The following CELF2 variants were observed in gnomAD, a reference collection of about 807,000 sequenced individuals.
The protein encoded by CELF2 is CUGBP Elav-like family member 2.
A neutral mutation model predicts 62.6 loss-of-function variants in CELF2; 8 were observed. The observed-to-expected ratio is 0.13, with a 90% CI of 0.07 to 0.23. The LOEUF is 0.23. Among genes scored for constraint, CELF2 ranks in the 10% least tolerant of loss-of-function variants. CELF2 has a pLI of 1.00. For missense variants in CELF2, 333 were observed against 671.0 expected, an observed-to-expected ratio of 0.50 and a Z score of 5.56; for synonymous variants, 258 against 250.0, an observed-to-expected ratio of 1.03 and a Z score of -0.30.
intron 1 of CELF2, among the ~76,000 whole-genome samples, chr10:10,879,876 T>C (rs1320347850): frequency 6.6e-6 from 1 of 152,180 alleles, no homozygotes; most frequent in East Asian, 1.9e-4. Flanking sequence ...AACCTTCTTG[T>C]CTAGTCTGAC....
At chr10:10,765,314 G>A in the CELF2 span, among the ~76,000 whole-genome samples, 8 of 152,190 alleles carry the variant, frequency 5.3e-5, no homozygotes, top group African/African-American at 1.7e-4. Flanking sequence ...CAGGGCACGA[G>A]GTGAGAGATG....
rs140978985 is a variant in CELF2 at position 11,214,005 on chromosome 10, C to T, written c.272-3420C>T. Among the ~76,000 whole-genome samples, 4 of 152,264 alleles carry T rather than the reference C, an allele frequency of 2.6e-5. No homozygotes were observed. The highest frequency in any genetic ancestry group is 4.1e-4 in the South Asian group (2 of 4,824). On this transcript the variant is annotated intron_variant, in intron 2 of 12. Coordinates refer to ENST00000633077, the MANE Select transcript of CELF2 (RefSeq NM_001326342.2). The surrounding 1 kb of genome is among the most constrained non-coding windows in gnomAD (Gnocchi z 4.2). The stretch of plus-strand genomic sequence containing the variant: ...TTTTTACTTACTGATGAGACTAGGC[C>T]GGGCACAGTAGCTCATGCCTATAGT...
rs976017088 is a variant in CELF2, at chr10:11,314,895, G to A, written c.1096+637G>A. Reference sequence around the variant, plus strand: ...CTTTATTAAGCACCCACAGGTATGGGTCACTCTACATCAGTGACCATCCAG... The same window carrying A: ...CTTTATTAAGCACCCACAGGTATGGATCACTCTACATCAGTGACCATCCAG... On this transcript the variant is annotated intron_variant, in intron 10 of 12. Coordinates refer to ENST00000633077, the MANE Select transcript of CELF2 (RefSeq NM_001326342.2). This position sits in a 1 kb window ranked among gnomAD's most constrained non-coding sequence, Gnocchi z 5.3. 1 of 170,798 alleles carries A rather than the reference G, an allele frequency of 5.9e-6. No homozygotes were observed. The highest frequency in any genetic ancestry group is 2.4e-5 in the African/African-American group (1 of 41,614). 10.6% of individuals were successfully genotyped at this position (170,798 alleles called of 1,614,324 possible).
At chr10:10,845,309 A>G (rs1368373730) in intron 1 of CELF2, among the ~76,000 whole-genome samples, 4 of 150,044 alleles carry the variant, frequency 2.7e-5, no homozygotes, top group Non-Finnish European at 5.9e-5. Flanking sequence ...TTTCCTGTCC[A>G]TTAGCCTTCA....
the CELF2 span, among the ~76,000 whole-genome samples, chr10:10,707,243 C>T: frequency 8.5e-5 from 13 of 152,158 alleles, no homozygotes; most frequent in African/African-American, 1.4e-4. Context: ...TTTACAATCA[C>T]GCAGTTTGAC....
chr10:10,650,218 G>A, the CELF2 span, among the ~76,000 whole-genome samples: 1 of 152,256 alleles, frequency 6.6e-6, no homozygotes, highest in East Asian at 1.9e-4. Context: ...AACAAATAAA[G>A]CAGAACAAAA....
chr10:10,608,933 C>T, the CELF2 span, among the ~76,000 whole-genome samples: 23 of 152,220 alleles, frequency 1.5e-4, no homozygotes, highest in African/African-American at 3.4e-4. Flanking sequence ...AAAGTATAAA[C>T]GCTCCAGAAA....
At chr10:10,580,315 A>G in the CELF2 span, among the ~76,000 whole-genome samples, 1 of 152,104 alleles carries the variant, frequency 6.6e-6, no homozygotes, top group Non-Finnish European at 1.5e-5. Flanking sequence ...TGCAAGAGAG[A>G]GTTTATTAAA....
the CELF2 span, among the ~76,000 whole-genome samples, chr10:10,590,572 A>T: frequency 6.6e-6 from 1 of 152,112 alleles, no homozygotes; most frequent in East Asian, 1.9e-4. Context: ...GCCCTTTACT[A>T]CCACCAGCCA....
the CELF2 span, among the ~76,000 whole-genome samples, chr10:10,676,324 G>T: frequency 1.1e-3 from 166 of 152,280 alleles, no homozygotes; most frequent in Non-Finnish European, 2.1e-3. Context: ...ACACAGCTGG[G>T]TAGAGTTGAA....
chr10:11,221,322 T>C (rs1367621858), intron 3 of CELF2, among the ~76,000 whole-genome samples: 1 of 152,230 alleles, frequency 6.6e-6, no homozygotes. Context: ...TTATCTACCA[T>C]TGTGTTTCCC....
In CELF2 at chr10:11,270,225, T is replaced by TGGC. The variant is rs1196041370; in HGVS notation, c.619-440_619-438dup. On this transcript the variant is annotated intron_variant, in intron 6 of 12. Transcript: ENST00000633077. This position sits in a 1 kb window ranked among gnomAD's most constrained non-coding sequence, Gnocchi z 5.8. ...GTAAAAGATAAATGAATGAGAGACA[T>TGGC]GGCCATTCCCGTTACAGATTCTCCC... Among the ~76,000 whole-genome samples the TGGC allele has an allele frequency of 6.6e-6, 1 of 152,128 alleles. No homozygotes were observed. The highest frequency in any genetic ancestry group is 2.4e-5 in the African/African-American group (1 of 41,382).
intron 1 of CELF2, among the ~76,000 whole-genome samples, chr10:11,142,036 ACAT>A (rs2061430648): frequency 3.9e-5 from 6 of 152,346 alleles, no homozygotes; most frequent in African/African-American, 1.4e-4. Context: ...CCTTCCCACG[ACAT>A]CATACTTTCC....
At chr10:10,557,271 C>A in the CELF2 span, among the ~76,000 whole-genome samples, 2 of 149,324 alleles carry the variant, frequency 1.3e-5, no homozygotes, top group African/African-American at 5.0e-5. Context: ...GTTTTCCCAG[C>A]ACCATTTATT....
intron 1 of CELF2, among the ~76,000 whole-genome samples, chr10:11,036,995 T>C (rs550320656): frequency 5.3e-5 from 8 of 152,370 alleles, no homozygotes; most frequent in Admixed American, 2.0e-4. Context: ...TCTTTGGCTC[T>C]CACCTTGTCC....
At chr10:11,130,474 G>A (rs975460028) in intron 1 of CELF2, among the ~76,000 whole-genome samples, 1 of 152,166 alleles carries the variant, frequency 6.6e-6, no homozygotes, top group African/African-American at 2.4e-5. Context: ...CTTTATTCTT[G>A]TAAGACATTT....
chr10:10,688,820 C>G, the CELF2 span, among the ~76,000 whole-genome samples: 120 of 150,236 alleles, frequency 8.0e-4, 1 homozygote, highest in East Asian at 0.019. Context: ...AGCAACAAAA[C>G]AAAACTCTGT....
At chr10:10,651,185 C>T in the CELF2 span, among the ~76,000 whole-genome samples, 3 of 121,630 alleles carry the variant, frequency 2.5e-5, no homozygotes, top group Non-Finnish European at 3.6e-5. Context: ...CGGCGCACCA[C>T]GAGATTATAT....
chr10:11,143,807 A>C (rs2061765856), intron 1 of CELF2, among the ~76,000 whole-genome samples: 1 of 152,244 alleles, frequency 6.6e-6, no homozygotes, highest in Non-Finnish European at 1.5e-5. Flanking sequence ...ATTTATTCTC[A>C]TCTTTTATTA....
Sources: allele counts gnomAD v4.1 joint callset (sites outside exome capture counted in the v4.1 genomes callset), GRCh38; gene constraint gnomAD v4.1.1; non-coding constraint Gnocchi (gnomAD v3.1); transcripts MANE v1.5; gene names NCBI Gene and HGNC (gene_info 2026-07-23, HGNC 2026-07-21).